Variants in PIGN observed in about 807,000 individuals in gnomAD.
The protein encoded by PIGN is GPI ethanolamine phosphate transferase 1.
In PIGN, 117 loss-of-function variants were observed where a neutral mutation model predicts 125.4. The observed-to-expected ratio is 0.93, with a 90% CI of 0.80 to 1.09. PIGN has a LOEUF of 1.09. Ranked by LOEUF, PIGN falls within the 50% of genes least tolerant of loss-of-function variation. The probability of loss-of-function intolerance (pLI) is 0.00; values close to 1 mark genes in which losing one functional copy is unlikely to be tolerated. For synonymous variants in PIGN, 392 were observed against 377.8 expected (o/e 1.04, Z -0.44); for missense variants, 1,075 against 1,094.9 (o/e 0.98, Z 0.26).
At position 62,102,854 on chromosome 18, in the gene PIGN, T is replaced by C. The variant is rs750840701; in HGVS notation, c.1908A>G (p.Thr636=). The change falls in exon 21 of 31, where the codon ACA becomes ACG. Residue 636 remains threonine (T), a synonymous_variant. Transcript: ENST00000640252. The stretch of plus-strand genomic sequence containing the variant: ...AGCTATCTTTTCTTTTCATGAGAGA[T>C]GTTACAACACACAGGGATAACAGAA... The part of the protein sequence containing the change: ...LVLLLSLCVV[T]SLMKRKDSFI... 2 of 1,588,444 alleles carry C rather than the reference T, an allele frequency of 1.3e-6. No homozygotes were observed. The highest frequency in any genetic ancestry group is 1.8e-5 in the Admixed American group (1 of 56,562).
intron 1 of PIGN, among the ~76,000 whole-genome samples, chr18:62,179,015 C>T (rs1305706798): frequency 6.6e-6 from 1 of 152,070 alleles, no homozygotes; most frequent in Non-Finnish European, 1.5e-5. Flanking sequence ...GTTTTGATGA[C>T]CTTGTGAGTT....
intron 7 of PIGN, among the ~76,000 whole-genome samples, chr18:62,150,198 G>C (rs2036477534): frequency 6.6e-6 from 1 of 152,118 alleles, no homozygotes; most frequent in South Asian, 2.1e-4. Context: ...TGGCTAGGCT[G>C]GTCTCAAACT....
chr18:62,085,047 G>A (rs530812057), intron 26 of PIGN, among the ~76,000 whole-genome samples, 162 bp downstream of exon 26: 6 of 152,144 alleles, frequency 3.9e-5, no homozygotes, highest in African/African-American at 1.4e-4. Context: ...GGCAGAGGTT[G>A]CAATGAGCCG....
chr18:62,137,041 C>A (rs1166244077), intron 14 of PIGN: 1 of 398,444 alleles, frequency 2.5e-6, no homozygotes, highest in African/African-American at 2.1e-5. Context: ...AGGAGATTAA[C>A]CTTTGAGTCA....
chr18:62,088,351 T>C (rs2033805406), intron 25 of PIGN: 1 of 155,688 alleles, frequency 6.4e-6, no homozygotes. Context: ...ACAGATGTTA[T>C]GTAATGTGAG....
chr18:62,058,777 A>G (rs1040465490), intron 30 of PIGN: 3 of 152,168 alleles, frequency 2.0e-5, no homozygotes, highest in African/African-American at 7.2e-5. Context: ...AAATTATGCT[A>G]GGTTTAGCCA....
rs576466760 is a variant in PIGN at position 62,032,766 on chromosome 18, TA to T, written c.2143-15026del. ...ATCTGTAAAATAGTATAATAATACCTACCTCACAGGGTTCTTATAAGAATTA... is the reference window on the plus strand; with the variant it reads ...ATCTGTAAAATAGTATAATAATACCTCCTCACAGGGTTCTTATAAGAATTA... On this transcript the variant is annotated intron_variant, in intron 23 of 24. Transcript: ENST00000639600. Among the ~76,000 whole-genome samples the T allele has an allele frequency of 5.3e-5, 8 of 152,356 alleles. No homozygotes were observed. The South Asian group carries it at 1.4e-3, about 28-fold the overall frequency.
chr18:62,038,320 T>TTTC, downstream of PIGN, among the ~76,000 whole-genome samples: 1 of 150,674 alleles, frequency 6.6e-6, no homozygotes, highest in South Asian at 2.1e-4. Context: ...TTTTTTTTTT[T>TTTC]TTTTTTTTGA....
In PIGN at chr18:62,082,987, A is replaced by T. The variant is rs150116294; in HGVS notation, c.2503-241T>A. Among the ~76,000 whole-genome samples the T allele has an allele frequency of 1.8e-3, 271 of 152,226 alleles. 2 individuals are homozygous for T. The highest frequency in any genetic ancestry group is 6.0e-3 in the African/African-American group (249 of 41,566). ...TGTAAAAGACAGCAAACATCAATAC[A>T]TATTCCAAATAAAAGCCTATTACAA... On this transcript the variant is annotated intron_variant, in intron 27 of 30. Coordinates refer to ENST00000640252, the MANE Select transcript of PIGN (RefSeq NM_176787.5).
At chr18:62,058,347 G>A (rs1041630445) in intron 30 of PIGN, among the ~76,000 whole-genome samples, 6 of 152,174 alleles carry the variant, frequency 3.9e-5, no homozygotes, top group African/African-American at 1.4e-4. Flanking sequence ...TGGCTGTGCA[G>A]CTGTGACTAC....
chr18:62,055,914 A>C lies in PIGN; in HGVS notation c.2673-9935T>G, dbSNP rs375211483. Among the ~76,000 whole-genome samples, 5 of 151,536 alleles carry C rather than the reference A, an allele frequency of 3.3e-5. No individual in the cohort carries two copies. In the South Asian group the frequency reaches 6.3e-4, roughly 19 times the overall value. ...TCATGCAAGGTCTTATAGGCACTTA[A>C]TCAATATTTGTTAAATGAATTATTA... is the stretch of plus-strand genomic sequence containing the variant. On this transcript the variant is annotated intron_variant, in intron 30 of 30. Coordinates refer to ENST00000640252, the MANE Select transcript of PIGN (RefSeq NM_176787.5).
intron 27 of PIGN, among the ~76,000 whole-genome samples, chr18:62,084,170 G>C (rs1402457429): frequency 1.3e-5 from 2 of 152,090 alleles, no homozygotes; most frequent in African/African-American, 4.8e-5. Context: ...CCAGGTACAT[G>C]GCTTATGAGA....
chr18:62,155,450 T>C (rs182479840), intron 6 of PIGN, among the ~76,000 whole-genome samples: 19 of 152,148 alleles, frequency 1.2e-4, no homozygotes, highest in Non-Finnish European at 1.8e-4. Context: ...GCGCTTGTAA[T>C]CCCAGCTACT....
At chr18:62,067,809 C>G (rs1026242150) in intron 30 of PIGN, among the ~76,000 whole-genome samples, 1 of 152,178 alleles carries the variant, frequency 6.6e-6, no homozygotes, top group Non-Finnish European at 1.5e-5. Flanking sequence ...TTTCAGCATA[C>G]GTATGTTTTG....
intron 16 of PIGN, chr18:62,112,916 A>T (rs1452424674): frequency 4.2e-6 from 2 of 478,530 alleles, no homozygotes; most frequent in East Asian, 6.4e-5. Context: ...CTATCTTTAT[A>T]GCTTTCTTAA....
intron 1 of PIGN, among the ~76,000 whole-genome samples, chr18:62,184,254 G>T (rs2037818038): frequency 6.6e-6 from 1 of 152,110 alleles, no homozygotes; most frequent in Admixed American, 6.5e-5. Flanking sequence ...ATACTAAAAT[G>T]ATTGACGTGC....
chr18:62,024,731 T>C (rs758087805), intron 23 of PIGN, among the ~76,000 whole-genome samples: 31 of 152,180 alleles, frequency 2.0e-4, no homozygotes, highest in Non-Finnish European at 4.3e-4. Flanking sequence ...CTCACGTCTG[T>C]AATCCAAGCA....
intron 20 of PIGN, 83 bp downstream of exon 20, chr18:62,105,460 C>T (rs753358321): frequency 4.0e-6 from 3 of 756,424 alleles, no homozygotes; most frequent in Non-Finnish European, 2.2e-6. Context: ...TATTCTTGAC[C>T]AAGATTAGGT....
At chr18:62,135,715 C>T (rs770301296) in intron 14 of PIGN, 2 of 142,114 alleles carry the variant, frequency 1.4e-5, no homozygotes, top group Non-Finnish European at 3.0e-5. Context: ...CAACCTCTGC[C>T]TCTCTGGTTC....
Sources: gnomAD v4.1 joint callset for allele counts (sites outside exome capture counted in the v4.1 genomes callset) on GRCh38, gnomAD v4.1.1 for gene constraint, MANE v1.5 for transcripts, NCBI Gene and HGNC (gene_info 2026-07-23, HGNC 2026-07-21) for gene names.